DYNLL2: variants seen among roughly 807,000 people sequenced by gnomAD.
DYNLL2 encodes dynein light chain 2, cytoplasmic.
Under a neutral mutation model 9.7 loss-of-function variants are expected in DYNLL2, and 1 was observed. The ratio of observed to expected loss-of-function variants is 0.10; its 90% confidence interval spans 0.04 to 0.49. The LOEUF (loss-of-function observed/expected upper bound fraction) is 0.49, where lower values mean the gene tolerates loss of function less well. Among genes scored for constraint, DYNLL2 ranks in the 20% least tolerant of loss-of-function variants. The probability of loss-of-function intolerance (pLI) is 0.95; values close to 1 mark genes in which losing one functional copy is unlikely to be tolerated. For synonymous variants in DYNLL2, 35 were observed against 40.5 expected, an observed-to-expected ratio of 0.86 and a Z score of 0.52; for missense variants, 37 against 115.2, an observed-to-expected ratio of 0.32 and a Z score of 3.11.
Position 58,091,386 on chromosome 17 carries a change from C to T in DYNLL2, c.*2107C>T, listed in dbSNP as rs1213053585. On this transcript the variant is annotated 3_prime_UTR_variant, in exon 3 of 3. Coordinates refer to ENST00000579991, the MANE Select transcript of DYNLL2 (RefSeq NM_080677.3). ...TGGCCTGTAGCAGCACTTATTTGTG[C>T]CTAGGCTTATGCCCCTTAAGTAGAG... 1 of 152,030 alleles carries T rather than the reference C, an allele frequency of 6.6e-6. No homozygotes were observed. Among genetic ancestry groups the T allele is most frequent in the Non-Finnish European group, 1.5e-5 (1 of 68,068 alleles). The allele number at this position is 152,030 out of a possible 1,614,324, so 9.4% of individuals were successfully genotyped here. A position where few individuals can be genotyped will look rare whatever the true frequency, so the allele number is the denominator to read the frequency against.
intron 2 of DYNLL2, among the ~76,000 whole-genome samples, chr17:58,088,321 G>T (rs1166005126): frequency 6.6e-6 from 1 of 152,224 alleles, no homozygotes; most frequent in East Asian, 1.9e-4. Context: ...GAGTTGTGTG[G>T]TATCGGGGCT....
chr17:58,087,482 G>A (rs2075764543), intron 2 of DYNLL2, among the ~76,000 whole-genome samples: 1 of 152,080 alleles, frequency 6.6e-6, no homozygotes, highest in Admixed American at 6.6e-5. Flanking sequence ...GCTACTGCAA[G>A]GCATTGGGGA....
chr17:58,089,989 C>T lies in DYNLL2; in HGVS notation c.*710C>T, dbSNP rs2075774274. The T allele has an allele frequency of 5.0e-6, 2 of 398,358 alleles. No individual in the cohort carries two copies. The highest frequency in any genetic ancestry group is 2.1e-5 in the African/African-American group (1 of 48,558). The allele number at this position is 398,358 out of a possible 1,614,324, so 24.7% of individuals were successfully genotyped here. On this transcript the variant is annotated 3_prime_UTR_variant, in exon 3 of 3. Transcript: ENST00000579991. The stretch of plus-strand genomic sequence containing the variant: ...GATTACCTTCTTTTGTTCTTCCTGC[C>T]AGAGATCATGACAGGAGGATGCTGG...
In DYNLL2 at chr17:58,093,054, G is replaced by T. The variant is rs1463620717; in HGVS notation, c.*3775G>T. The stretch of plus-strand genomic sequence containing the variant: ...CTGTGACAACTAGAATATAAGCTCT[G>T]TGAGAGCATTTTTCTCTTAACTGCT... On this transcript the variant is annotated 3_prime_UTR_variant, in exon 3 of 3. Coordinates refer to ENST00000579991, the MANE Select transcript of DYNLL2 (RefSeq NM_080677.3). 1 of 152,240 alleles carries T rather than the reference G, an allele frequency of 6.6e-6. No individual in the cohort carries two copies. The highest frequency in any genetic ancestry group is 6.5e-5 in the Admixed American group (1 of 15,290). The allele number at this position is 152,240 out of a possible 1,614,324, so 9.4% of individuals were successfully genotyped here.
Position 58,092,284 on chromosome 17 carries a change from A to G in DYNLL2, c.*3005A>G, listed in dbSNP as rs527716477. Reference sequence around the variant, plus strand: ...GGCCACAGTTCACATTTCATCAGGGATGAGTGTCTCCAGGGCCAAAGCTCA... The same window carrying G: ...GGCCACAGTTCACATTTCATCAGGGGTGAGTGTCTCCAGGGCCAAAGCTCA... On this transcript the variant is annotated 3_prime_UTR_variant, in exon 3 of 3. Coordinates refer to ENST00000579991, the MANE Select transcript of DYNLL2 (RefSeq NM_080677.3). 1 of 152,320 alleles carries G rather than the reference A, an allele frequency of 6.6e-6. No homozygotes were observed. Among genetic ancestry groups the G allele is most frequent in the South Asian group, 2.1e-4 (1 of 4,822 alleles). The allele number at this position is 152,320 out of a possible 1,614,324, so 9.4% of individuals were successfully genotyped here. A position where few individuals can be genotyped will look rare whatever the true frequency, so the allele number is the denominator to read the frequency against.
chr17:58,089,039 C>A, intron 2 of DYNLL2, 103 bp from the exon 3 acceptor site: 3 of 1,459,890 alleles, frequency 2.1e-6, no homozygotes, highest in Non-Finnish European at 2.8e-6. Flanking sequence ...GTGATAACAA[C>A]CAAACGTGTC....
rs2075741788 is a variant in DYNLL2 at position 58,083,435 on chromosome 17, G to GGAGCT, written c.-256_-252dup. ...GCCGCGCTCAGCGGCAGAGCGGAGCGGAGCTGTGAGGCGCCAGTGCGGAGC... is the reference window on the plus strand; with the variant it reads ...GCCGCGCTCAGCGGCAGAGCGGAGCGGAGCTGAGCTGTGAGGCGCCAGTGCGGAGC... On this transcript the variant is annotated 5_prime_UTR_variant, in exon 1 of 3. Transcript: ENST00000579991. 7.0e-6 allele frequency: 1 copy of GGAGCT among 142,458 alleles called. No individual in the cohort carries two copies. Among genetic ancestry groups the GGAGCT allele is most frequent in the South Asian group, 1.9e-4 (1 of 5,146 alleles). 8.8% of individuals were successfully genotyped at this position (142,458 alleles called of 1,614,324 possible). A position where few individuals can be genotyped will look rare whatever the true frequency, so the allele number is the denominator to read the frequency against.
At chr17:58,086,550 T>G (rs769450483) in intron 1 of DYNLL2, among the ~76,000 whole-genome samples, 9 of 152,220 alleles carry the variant, frequency 5.9e-5, no homozygotes, top group South Asian at 4.1e-4. Flanking sequence ...CCACGAGAGA[T>G]AAACTCAGGA....
chr17:58,093,662 G>A lies in DYNLL2; in HGVS notation c.*4383G>A, dbSNP rs1171121330. 1.3e-5 allele frequency: 2 copies of A among 152,268 alleles called. No individual in the cohort carries two copies. Among genetic ancestry groups the A allele is most frequent in the Admixed American group, 6.5e-5 (1 of 15,286 alleles). 9.4% of individuals were successfully genotyped at this position (152,268 alleles called of 1,614,324 possible). ...GGGGCTCTGGTTTAGCAAGGACAGC[G>A]AGGATACTTTCCTCTCTCCCTCCTC... On this transcript the variant is annotated 3_prime_UTR_variant, in exon 3 of 3. Coordinates refer to ENST00000579991, the MANE Select transcript of DYNLL2 (RefSeq NM_080677.3).
chr17:58,084,696 CT>C (rs2075752256), intron 1 of DYNLL2, among the ~76,000 whole-genome samples: 1 of 152,174 alleles, frequency 6.6e-6, no homozygotes, highest in South Asian at 2.1e-4. Context: ...AGTAAGGTGG[CT>C]TTTAATTACT....
rs1376838760 is a variant in DYNLL2, at chr17:58,089,253, G to A, written c.244G>A (p.Ala82Thr). The A allele has an allele frequency of 6.2e-7, 1 of 1,613,980 alleles. No individual in the cohort carries two copies. Among genetic ancestry groups the A allele is most frequent in the Non-Finnish European group, 8.5e-7 (1 of 1,180,012 alleles). Residue 82 changes from alanine (A) to threonine (T), a missense_variant, in exon 3 of 3, where the codon GCA becomes ACA. Physicochemically the swap from Ala to Thr is moderately conservative, Grantham distance 58. Transcript: ENST00000579991. ...HFIYFYLGQV[A>T]ILLFKSG ...CATCTATTTTTACTTGGGTCAAGTT[G>A]CAATCCTCCTCTTCAAGTCAGGCTA... is the stretch of plus-strand genomic sequence containing the variant.
Position 58,089,485 on chromosome 17 carries a change from T to G in DYNLL2, c.*206T>G. 1 of 571,056 alleles carries G rather than the reference T, an allele frequency of 1.8e-6. No individual in the cohort carries two copies. Among genetic ancestry groups the G allele is most frequent in the Non-Finnish European group, 2.8e-6 (1 of 351,748 alleles). 35.4% of individuals were successfully genotyped at this position (571,056 alleles called of 1,614,324 possible). A position where few individuals can be genotyped will look rare whatever the true frequency, so the allele number is the denominator to read the frequency against. On this transcript the variant is annotated 3_prime_UTR_variant, in exon 3 of 3. Transcript: ENST00000579991. ...AGTTGCCTGGGGGAAGAAGGCTGCT[T>G]TATGTTTATTTTTCAAGACTTTAAA...
At position 58,089,996 on chromosome 17, in the gene DYNLL2, C is replaced by T. The variant is rs748725943; in HGVS notation, c.*717C>T. The T allele has an allele frequency of 5.0e-6, 2 of 398,318 alleles. No individual in the cohort carries two copies. Among genetic ancestry groups the T allele is most frequent in the African/African-American group, 2.1e-5 (1 of 48,582 alleles). 24.7% of individuals were successfully genotyped at this position (398,318 alleles called of 1,614,324 possible). A position where few individuals can be genotyped will look rare whatever the true frequency, so the allele number is the denominator to read the frequency against. ...TTCTTTTGTTCTTCCTGCCAGAGAT[C>T]ATGACAGGAGGATGCTGGGGTAGGA... On this transcript the variant is annotated 3_prime_UTR_variant, in exon 3 of 3. Coordinates refer to ENST00000579991, the MANE Select transcript of DYNLL2 (RefSeq NM_080677.3).
chr17:58,088,030 G>C (rs2143595890), intron 2 of DYNLL2, among the ~76,000 whole-genome samples: 1 of 152,328 alleles, frequency 6.6e-6, no homozygotes, highest in African/African-American at 2.4e-5. Context: ...GAGTTTTACA[G>C]AACTGTGTTT....
rs922804231 is a variant in DYNLL2, at chr17:58,095,235, T to G, written c.*5956T>G. 3 of 152,224 alleles carry G rather than the reference T, an allele frequency of 2.0e-5. No homozygotes were observed. The highest frequency in any genetic ancestry group is 2.9e-5 in the Non-Finnish European group (2 of 68,034). 9.4% of individuals were successfully genotyped at this position (152,224 alleles called of 1,614,324 possible). ...GGTATACAGATTACAATTTCTGAACTCTGCCATTCCAGTGTGAGAGCAGCC... is the reference window on the plus strand; with the variant it reads ...GGTATACAGATTACAATTTCTGAACGCTGCCATTCCAGTGTGAGAGCAGCC... On this transcript the variant is annotated 3_prime_UTR_variant, in exon 3 of 3. Coordinates refer to ENST00000579991, the MANE Select transcript of DYNLL2 (RefSeq NM_080677.3).
rs1310448253 is a variant in DYNLL2 at position 58,095,052 on chromosome 17, A to G, written c.*5773A>G. 1.5e-5 allele frequency: 2 copies of G among 133,848 alleles called. No homozygotes were observed. Among genetic ancestry groups the G allele is most frequent in the Non-Finnish European group, 3.2e-5 (2 of 62,844 alleles). 8.3% of individuals were successfully genotyped at this position (133,848 alleles called of 1,614,324 possible). ...TATTGTGATTAGTGCTGCTATGAAC[A>G]TTGATGTACAGATTTTTGTGTAGAT... On this transcript the variant is annotated 3_prime_UTR_variant, in exon 3 of 3. Transcript: ENST00000579991.
At chr17:58,084,631 G>C (rs1026447568) in intron 1 of DYNLL2, among the ~76,000 whole-genome samples, 23 of 152,338 alleles carry the variant, frequency 1.5e-4, no homozygotes, top group South Asian at 4.1e-4. Flanking sequence ...AGATGCCTGG[G>C]GGGCCATTGT....
rs2075779581 is a variant in DYNLL2, at chr17:58,091,397, G to A, written c.*2118G>A. 6.6e-6 allele frequency: 1 copy of A among 152,104 alleles called. No individual in the cohort carries two copies. The highest frequency in any genetic ancestry group is 1.5e-5 in the Non-Finnish European group (1 of 68,062). 9.4% of individuals were successfully genotyped at this position (152,104 alleles called of 1,614,324 possible). A position where few individuals can be genotyped will look rare whatever the true frequency, so the allele number is the denominator to read the frequency against. On this transcript the variant is annotated 3_prime_UTR_variant, in exon 3 of 3. Coordinates refer to ENST00000579991, the MANE Select transcript of DYNLL2 (RefSeq NM_080677.3). The stretch of plus-strand genomic sequence containing the variant: ...AGCACTTATTTGTGCCTAGGCTTAT[G>A]CCCCTTAAGTAGAGGAAAACTAACC...
At chr17:58,085,229 A>G (rs764454234) in intron 1 of DYNLL2, among the ~76,000 whole-genome samples, 1 of 152,166 alleles carries the variant, frequency 6.6e-6, no homozygotes, top group Non-Finnish European at 1.5e-5. Flanking sequence ...TGGCAGTGCT[A>G]TCTAGATGAA....
Sources: gnomAD v4.1 joint callset for allele counts (sites outside exome capture counted in the v4.1 genomes callset) on GRCh38, gnomAD v4.1.1 for gene constraint, MANE v1.5 for transcripts, NCBI Gene and HGNC (gene_info 2026-07-23, HGNC 2026-07-21) for gene names.